Variants in KCNB2 observed in about 807,000 individuals in gnomAD.
The protein encoded by KCNB2 is potassium voltage-gated channel subfamily B member 2.
In KCNB2, 15 loss-of-function variants were observed where a neutral mutation model predicts 61.5. The ratio of observed to expected loss-of-function variants is 0.24; its 90% CI spans 0.16 to 0.38. KCNB2 has a LOEUF of 0.38. Ranked by LOEUF, KCNB2 falls within the 10% of genes least tolerant of loss-of-function variation. KCNB2 has a pLI of 1.00. For missense variants in KCNB2, 828 were observed against 1,125.2 expected, an observed-to-expected ratio of 0.74 and a Z score of 3.78; for synonymous variants, 457 against 446.0, an observed-to-expected ratio of 1.02 and a Z score of -0.31.
At chr8:72,628,645 C>T (rs779811146) in intron 2 of KCNB2, among the ~76,000 whole-genome samples, 9 of 152,128 alleles carry the variant, frequency 5.9e-5, no homozygotes, top group Non-Finnish European at 1.3e-4. Flanking sequence ...GGAGAACTTA[C>T]GCTGATAAAC....
rs112123828 is a variant in KCNB2, at chr8:72,611,958, A to T, written c.579+43645A>T. On this transcript the variant is annotated intron_variant, in intron 2 of 2. Coordinates refer to ENST00000523207, the MANE Select transcript of KCNB2 (RefSeq NM_004770.3). ...TTAATATTTTTGCCTGAAACATGTT[A>T]AAAAAATCCTTAAACGCAAACTGTT... Among the ~76,000 whole-genome samples the T allele has an allele frequency of 1.0e-3, 152 of 152,244 alleles. 1 individual carries two copies. The highest frequency in any genetic ancestry group is 3.3e-3 in the African/African-American group (138 of 41,518).
chr8:72,564,072 A>G (rs1356619744), intron 1 of KCNB2, among the ~76,000 whole-genome samples: 2 of 152,200 alleles, frequency 1.3e-5, no homozygotes, highest in African/African-American at 2.4e-5. Context: ...GATCTCTTAT[A>G]ATAGAAAGTT....
chr8:72,686,131 T>G (rs929053781), intron 2 of KCNB2, among the ~76,000 whole-genome samples: 3 of 152,208 alleles, frequency 2.0e-5, no homozygotes, highest in African/African-American at 7.2e-5. Flanking sequence ...TTTGAGATGT[T>G]TATCTATAAG....
intron 2 of KCNB2, among the ~76,000 whole-genome samples, chr8:72,657,352 AT>A (rs1806307969): frequency 6.6e-6 from 1 of 152,132 alleles, no homozygotes; most frequent in Non-Finnish European, 1.5e-5. Flanking sequence ...GATGGACAGG[AT>A]TTTTTTAATC....
chr8:72,926,484 G>A (rs1806651635), intron 2 of KCNB2, among the ~76,000 whole-genome samples: 1 of 151,970 alleles, frequency 6.6e-6, no homozygotes, highest in Admixed American at 6.6e-5. Context: ...TGTAGGATAT[G>A]CATGTTTGTT....
chr8:72,646,365 T>C (rs1400058422), intron 2 of KCNB2, among the ~76,000 whole-genome samples: 2 of 152,128 alleles, frequency 1.3e-5, no homozygotes, highest in Non-Finnish European at 2.9e-5. Flanking sequence ...AGTTCTTATA[T>C]CTTGTGGGTG....
chr8:72,755,781 C>T (rs891248296), intron 2 of KCNB2, among the ~76,000 whole-genome samples: 8 of 152,102 alleles, frequency 5.3e-5, no homozygotes, highest in Non-Finnish European at 1.0e-4. Flanking sequence ...TTTCTTAAGC[C>T]AAGAGAAACT....
intron 2 of KCNB2, among the ~76,000 whole-genome samples, chr8:72,588,278 G>C (rs1427846619): frequency 3.3e-5 from 5 of 150,094 alleles, no homozygotes; most frequent in Non-Finnish European, 4.4e-5. Flanking sequence ...GAGTGCAATG[G>C]CGTGATCTTG....
rs113478970 is a variant in KCNB2 at position 72,722,240 on chromosome 8, C to A, written c.579+153927C>A. Reference sequence around the variant, plus strand: ...ACCTTCCTGCACATTCTCTGGCCCCCCTTCCAGTCTGTTCTCCACCCTGCA... The same window carrying A: ...ACCTTCCTGCACATTCTCTGGCCCCACTTCCAGTCTGTTCTCCACCCTGCA... On this transcript the variant is annotated intron_variant, in intron 2 of 2. Coordinates refer to ENST00000523207, the MANE Select transcript of KCNB2 (RefSeq NM_004770.3). Among the ~76,000 whole-genome samples, 9 of 152,324 alleles carry A rather than the reference C, an allele frequency of 5.9e-5. No homozygotes were observed. The East Asian group carries it at 9.7e-4, about 16-fold the overall frequency.
intron 2 of KCNB2, among the ~76,000 whole-genome samples, chr8:72,862,463 A>G (rs748503817): frequency 3.3e-5 from 5 of 152,214 alleles, no homozygotes; most frequent in African/African-American, 4.8e-5. Context: ...CCTAAGAATT[A>G]CAAAATTTTT....
Position 72,792,687 on chromosome 8 carries a change from G to A in KCNB2, c.580-143248G>A, listed in dbSNP as rs117622502. ...ATATATTTTTAAATTTTCCTAGAGG[G>A]TTCTATGGTACAACTAGAGTTGGAA... On this transcript the variant is annotated intron_variant, in intron 2 of 2. Coordinates refer to ENST00000523207, the MANE Select transcript of KCNB2 (RefSeq NM_004770.3). 9.2e-3 allele frequency among the ~76,000 whole-genome samples: 1,398 copies of A among 152,264 alleles called. 10 individuals carry two copies. The highest frequency in any genetic ancestry group is 0.015 in the Non-Finnish European group (995 of 68,028).
At chr8:72,652,265 C>A (rs1806223749) in intron 2 of KCNB2, among the ~76,000 whole-genome samples, 1 of 152,108 alleles carries the variant, frequency 6.6e-6, no homozygotes, top group Non-Finnish European at 1.5e-5. Flanking sequence ...ATATACAAGT[C>A]CATAATGCTC....
In KCNB2 at chr8:72,572,351, C is replaced by T. The variant is rs531479309; in HGVS notation, c.579+4038C>T. ...ATAAGCAGCCCTTATTGGATAAGAACAGCAGGAGGCAAAATCTGCGGAAAC... is the reference window on the plus strand; with the variant it reads ...ATAAGCAGCCCTTATTGGATAAGAATAGCAGGAGGCAAAATCTGCGGAAAC... On this transcript the variant is annotated intron_variant, in intron 2 of 2. Coordinates refer to ENST00000523207, the MANE Select transcript of KCNB2 (RefSeq NM_004770.3). Among the ~76,000 whole-genome samples, 3 of 152,268 alleles carry T rather than the reference C, an allele frequency of 2.0e-5. No individual in the cohort carries two copies. The South Asian group carries it at 6.2e-4, about 32-fold the overall frequency.
chr8:72,837,835 T>TAAA (rs1314310686), intron 2 of KCNB2, among the ~76,000 whole-genome samples: 1 of 151,168 alleles, frequency 6.6e-6, no homozygotes, highest in Non-Finnish European at 1.5e-5. Flanking sequence ...ATCCTTTTTT[T>TAAA]AAAAAAAAAT....
Position 72,584,769 on chromosome 8 carries a change from G to A in KCNB2, c.579+16456G>A, listed in dbSNP as rs574226687. ...TACATTTATAATGCTTAAAATCATG[G>A]AAAACCCTTTGGTATTTGCTTTGTG... On this transcript the variant is annotated intron_variant, in intron 2 of 2. Transcript: ENST00000523207. Among the ~76,000 whole-genome samples, 568 of 152,096 alleles carry A rather than the reference G, an allele frequency of 3.7e-3. 4 individuals carry two copies. Among genetic ancestry groups the A allele is most frequent in the Non-Finnish European group, 7.2e-3 (487 of 67,996 alleles).
chr8:72,826,081 G>A (rs894040606), intron 2 of KCNB2, among the ~76,000 whole-genome samples: 6 of 152,124 alleles, frequency 3.9e-5, no homozygotes, highest in African/African-American at 1.2e-4. Flanking sequence ...ATGGTATAAC[G>A]TATCTGACAT....
At chr8:72,588,164 A>G (rs902148711) in intron 2 of KCNB2, among the ~76,000 whole-genome samples, 3 of 138,822 alleles carry the variant, frequency 2.2e-5, no homozygotes, top group African/African-American at 5.3e-5. Context: ...TTTGATTTTT[A>G]TTTTCTAAGT....
intron 2 of KCNB2, among the ~76,000 whole-genome samples, chr8:72,860,378 A>G (rs566503241): frequency 6.6e-6 from 1 of 152,276 alleles, no homozygotes; most frequent in African/African-American, 2.4e-5. Context: ...ATCCTAGTAG[A>G]TGTGAAATGG....
At chr8:72,806,873 ATAAG>A (rs989113225) in intron 2 of KCNB2, among the ~76,000 whole-genome samples, 2 of 152,168 alleles carry the variant, frequency 1.3e-5, no homozygotes, top group Non-Finnish European at 2.9e-5. Context: ...TCTGAAGGAA[ATAAG>A]TGAGTGATGA....
Sources: gnomAD v4.1 joint callset for allele counts (sites outside exome capture counted in the v4.1 genomes callset) on GRCh38, gnomAD v4.1.1 for gene constraint, MANE v1.5 for transcripts, NCBI Gene and HGNC (gene_info 2026-07-23, HGNC 2026-07-21) for gene names.